The following ZNF423 variants were observed in gnomAD, a reference collection of about 807,000 sequenced individuals.
The protein encoded by ZNF423 is Ebf-associated zinc finger protein.
In ZNF423, 12 loss-of-function variants were observed where a neutral mutation model predicts 95.8. The ratio of observed to expected loss-of-function variants is 0.13; its 90% CI spans 0.08 to 0.20. The LOEUF (loss-of-function observed/expected upper bound fraction) is 0.20, where lower values mean the gene tolerates loss of function less well. Among genes scored for constraint, ZNF423 ranks in the 10% least tolerant of loss-of-function variants. The pLI is 1.00. For missense variants in ZNF423, 1,316 were observed against 1,737.1 expected, an observed-to-expected ratio of 0.76 and a Z score of 4.31; for synonymous variants, 749 against 711.9, an observed-to-expected ratio of 1.05 and a Z score of -0.83.
rs762845994 is a variant in ZNF423 at position 49,730,791 on chromosome 16, C to T, written c.281G>A (p.Arg94Gln). The T allele has an allele frequency of 7.4e-6, 12 of 1,614,102 alleles. No homozygotes were observed. The highest frequency in any genetic ancestry group is 3.3e-5 in the South Asian group (3 of 91,088). Residue 94 changes from arginine (R) to glutamine (Q), a missense_variant, in exon 3 of 8, where the codon CGG (arginine) becomes CAG (glutamine). Around this residue, in one of 6 missense-constraint regions of ZNF423, gnomAD observed 155 missense variants for 170.8 expected, o/e 0.91. Coordinates refer to ENST00000563137, the MANE Select transcript of ZNF423 (RefSeq NM_001379286.1). The stretch of plus-strand genomic sequence containing the variant: ...ATTACCTCCAGGACAGCGGTGGGCC[C>T]GGTGGTCCGTCAGGTCTGCCAGAGA... ...FESLADLTDH[R>Q]AHRCPGDGDD...
intron 5 of ZNF423, among the ~76,000 whole-genome samples, chr16:49,561,653 A>G (rs1235715393): frequency 6.6e-6 from 1 of 152,214 alleles, no homozygotes. Flanking sequence ...CTATTACTGC[A>G]AATTTGCTGC....
intron 3 of ZNF423, among the ~76,000 whole-genome samples, chr16:49,715,933 A>G (rs2032692107): frequency 6.6e-6 from 1 of 152,094 alleles, no homozygotes; most frequent in Non-Finnish European, 1.5e-5. Flanking sequence ...CTATAGTCCC[A>G]GCTACTCGGG....
intron 1 of ZNF423, among the ~76,000 whole-genome samples, chr16:49,819,328 G>C (rs1252007435): frequency 2.0e-5 from 3 of 151,584 alleles, no homozygotes; most frequent in Non-Finnish European, 4.4e-5. Context: ...TATGTGGCTA[G>C]TGGCTACCAT....
At position 49,489,578 on chromosome 16, in the gene ZNF423, A is replaced by C. The variant is rs1256776543; in HGVS notation, c.*1697T>G. The C allele has an allele frequency of 6.6e-6, 1 of 152,258 alleles. No homozygotes were observed. The highest frequency in any genetic ancestry group is 1.5e-5 in the Non-Finnish European group (1 of 68,046). The allele number at this position is 152,258 out of a possible 1,614,324, so 9.4% of individuals were successfully genotyped here. A position where few individuals can be genotyped will look rare whatever the true frequency, so the allele number is the denominator to read the frequency against. Reference sequence around the variant, plus strand: ...ACATTACATGAGGTGACAGAAAGAAAGGGGAACTCTTATAGGTCACCAGAA... The same window carrying C: ...ACATTACATGAGGTGACAGAAAGAACGGGGAACTCTTATAGGTCACCAGAA... On this transcript the variant is annotated 3_prime_UTR_variant, in exon 8 of 8. Transcript: ENST00000563137.
chr16:49,502,913 T>TACACAC (rs55819934), intron 7 of ZNF423, among the ~76,000 whole-genome samples: 7 of 122,884 alleles, frequency 5.7e-5, no homozygotes, highest in South Asian at 2.8e-4. Flanking sequence ...TGTGCACGCA[T>TACACAC]ACACACACAC....
chr16:49,641,403 C>T (rs555523219), intron 3 of ZNF423, among the ~76,000 whole-genome samples: 3 of 152,202 alleles, frequency 2.0e-5, no homozygotes, highest in African/African-American at 4.8e-5. Flanking sequence ...GTGAAGAGGG[C>T]TGGGGCTGGC....
At chr16:49,763,987 C>T (rs1016635822) in intron 2 of ZNF423, among the ~76,000 whole-genome samples, 5 of 152,194 alleles carry the variant, frequency 3.3e-5, no homozygotes, top group Admixed American at 6.5e-5. Flanking sequence ...GAAAGTCTCA[C>T]GGCTGAGGCA....
chr16:49,498,186 C>G (rs988445981), intron 7 of ZNF423, among the ~76,000 whole-genome samples: 2 of 152,218 alleles, frequency 1.3e-5, no homozygotes, highest in African/African-American at 4.8e-5. Context: ...CATATTAGCT[C>G]ATTTAAGCCT....
chr16:49,573,932 G>A (rs1482622484), intron 5 of ZNF423, among the ~76,000 whole-genome samples: 1 of 152,198 alleles, frequency 6.6e-6, no homozygotes, highest in Admixed American at 6.5e-5. Flanking sequence ...CATGTGGTGA[G>A]CCTGCTGATC....
chr16:49,773,307 A>G (rs2034066880), intron 2 of ZNF423, among the ~76,000 whole-genome samples: 1 of 152,098 alleles, frequency 6.6e-6, no homozygotes, highest in Non-Finnish European at 1.5e-5. Context: ...TGACAGAGCA[A>G]GACTCCATCT....
chr16:49,581,100 C>A (rs1970659694), intron 5 of ZNF423, among the ~76,000 whole-genome samples: 2 of 152,180 alleles, frequency 1.3e-5, no homozygotes, highest in South Asian at 2.1e-4. Context: ...TACTCACCAC[C>A]CGCTCCCCAA....
At chr16:49,607,054 C>T (rs1004865494) in intron 5 of ZNF423, among the ~76,000 whole-genome samples, 5 of 147,376 alleles carry the variant, frequency 3.4e-5, no homozygotes, top group South Asian at 2.2e-4. Context: ...TATGGTGAAA[C>T]GTTAAATGTT....
chr16:49,692,187 T>C (rs989337904), intron 3 of ZNF423, among the ~76,000 whole-genome samples: 10 of 152,160 alleles, frequency 6.6e-5, no homozygotes, highest in African/African-American at 2.4e-4. Flanking sequence ...ACTCCTGGGT[T>C]CAAGCGATCC....
chr16:49,602,035 G>A (rs1417973166), intron 5 of ZNF423, among the ~76,000 whole-genome samples: 1 of 152,234 alleles, frequency 6.6e-6, no homozygotes, highest in Non-Finnish European at 1.5e-5. Context: ...CTTGCATACA[G>A]TTGGTGCTCA....
intron 7 of ZNF423, among the ~76,000 whole-genome samples, chr16:49,501,606 C>T (rs965539131): frequency 4.0e-5 from 6 of 151,206 alleles, no homozygotes; most frequent in African/African-American, 1.5e-4. Flanking sequence ...TTGACAGTAG[C>T]GAAGACATGA....
At chr16:49,751,002 G>A (rs776279926) in intron 2 of ZNF423, among the ~76,000 whole-genome samples, 10 of 152,168 alleles carry the variant, frequency 6.6e-5, no homozygotes, top group African/African-American at 2.2e-4. Context: ...GCCCGACGGC[G>A]ACGAAAGGCC....
At chr16:49,631,744 T>A (rs1972509399) in intron 4 of ZNF423, among the ~76,000 whole-genome samples, 3 of 152,178 alleles carry the variant, frequency 2.0e-5, no homozygotes, top group Admixed American at 2.0e-4. Context: ...GCTGTTATAT[T>A]TCCATGATCG....
intron 3 of ZNF423, among the ~76,000 whole-genome samples, chr16:49,722,624 G>GT (rs1322524356): frequency 6.6e-6 from 1 of 152,164 alleles, no homozygotes; most frequent in Non-Finnish European, 1.5e-5. Flanking sequence ...CAGAACTTCT[G>GT]TTTTTTCTAT....
rs550778173 is a variant in ZNF423 at position 49,655,275 on chromosome 16, C to T, written c.302-16401G>A. ...GAGCCAAGAACTCCATTCCACAGGC[C>T]CTGGCAACCACCAACACTATCTGAA... On this transcript the variant is annotated intron_variant, in intron 3 of 7. Coordinates refer to ENST00000563137, the MANE Select transcript of ZNF423 (RefSeq NM_001379286.1). Among the ~76,000 whole-genome samples the T allele has an allele frequency of 9.9e-5, 15 of 152,252 alleles. 1 individual carries two copies. In the South Asian group the frequency reaches 3.1e-3, roughly 32 times the overall value.
Sources: allele counts gnomAD v4.1 joint callset (sites outside exome capture counted in the v4.1 genomes callset), GRCh38; gene constraint gnomAD v4.1.1; regional missense constraint gnomAD v4.1.1; transcripts MANE v1.5; gene names NCBI Gene and HGNC (gene_info 2026-07-23, HGNC 2026-07-21).